The following WDR7 variants were observed in gnomAD, a reference collection of about 807,000 sequenced individuals.
The protein encoded by WDR7 is WD repeat-containing protein 7.
WDR7 carries 46 observed loss-of-function variants against 169.4 expected under a neutral mutation model. The ratio of observed to expected loss-of-function variants is 0.27; its 90% confidence interval spans 0.21 to 0.35. The LOEUF (loss-of-function observed/expected upper bound fraction) is 0.35, where lower values mean the gene tolerates loss of function less well. Ranked by LOEUF, WDR7 falls within the 10% of genes least tolerant of loss-of-function variation. The probability of loss-of-function intolerance (pLI) is 1.00; values close to 1 mark genes in which losing one functional copy is unlikely to be tolerated. For missense variants in WDR7, 1,534 were observed against 1,859.3 expected (o/e 0.83, Z 3.22); for synonymous variants, 612 against 666.8 (o/e 0.92, Z 1.27).
intron 19 of WDR7, among the ~76,000 whole-genome samples, chr18:56,808,653 CTG>C (rs753539416): frequency 3.9e-5 from 6 of 152,064 alleles, no homozygotes; most frequent in African/African-American, 2.4e-5. Context: ...TCACATGACA[CTG>C]TAGTCTTGTG....
intron 22 of WDR7, among the ~76,000 whole-genome samples, chr18:56,924,832 CA>C (rs1188971614): frequency 1.3e-5 from 2 of 152,324 alleles, no homozygotes; most frequent in African/African-American, 4.8e-5. Context: ...GTCTATAATT[CA>C]GTGGCATTAA....
chr18:56,757,517 G>A (rs985050672), intron 15 of WDR7, among the ~76,000 whole-genome samples, 165 bp downstream of exon 15: 3 of 151,850 alleles, frequency 2.0e-5, no homozygotes, highest in Admixed American at 6.6e-5. Context: ...CAAAATGCCC[G>A]ATTAAAACAT....
At chr18:56,928,030 G>A (rs2046831054) in intron 22 of WDR7, among the ~76,000 whole-genome samples, 1 of 152,200 alleles carries the variant, frequency 6.6e-6, no homozygotes, top group Admixed American at 6.5e-5. Flanking sequence ...GAGAGCGGGG[G>A]AAGGACAGGG....
chr18:56,716,061 G>GTGTA (rs1187921030), intron 12 of WDR7, among the ~76,000 whole-genome samples: 2 of 151,694 alleles, frequency 1.3e-5, no homozygotes, highest in African/African-American at 4.8e-5. Flanking sequence ...GTGTGTGTGT[G>GTGTA]TGTGTATTTA....
chr18:56,942,453 GC>G (rs2047047089), intron 25 of WDR7, among the ~76,000 whole-genome samples: 1 of 152,160 alleles, frequency 6.6e-6, no homozygotes, highest in Non-Finnish European at 1.5e-5. Context: ...ATGCAGCTGT[GC>G]CTACAAATAA....
chr18:56,996,240 G>A (rs947801762), intron 26 of WDR7, among the ~76,000 whole-genome samples: 2 of 152,078 alleles, frequency 1.3e-5, no homozygotes, highest in African/African-American at 4.8e-5. Flanking sequence ...TGTGAGAGCT[G>A]GTAACTGCTT....
intron 5 of WDR7, among the ~76,000 whole-genome samples, chr18:56,685,298 G>C (rs1349865905): frequency 6.6e-6 from 1 of 152,152 alleles, no homozygotes; most frequent in Non-Finnish European, 1.5e-5. Flanking sequence ...TAAGAAAATT[G>C]TATTTAAGAT....
At chr18:56,681,639 G>C (rs1461297337) in intron 4 of WDR7, among the ~76,000 whole-genome samples, 1 of 152,142 alleles carries the variant, frequency 6.6e-6, no homozygotes, top group Non-Finnish European at 1.5e-5. Flanking sequence ...TGCTATTCTG[G>C]GCTACCTTGG....
chr18:56,708,439 T>A (rs1183451302), intron 12 of WDR7, among the ~76,000 whole-genome samples: 1 of 152,090 alleles, frequency 6.6e-6, no homozygotes, highest in Non-Finnish European at 1.5e-5. Flanking sequence ...CCATTTAAGT[T>A]CTAAGTTGAG....
chr18:56,906,131 T>C (rs1331255401), intron 21 of WDR7, among the ~76,000 whole-genome samples: 4 of 152,190 alleles, frequency 2.6e-5, no homozygotes, highest in Non-Finnish European at 2.9e-5. Flanking sequence ...TGGAAGTACA[T>C]AGCAGATCTA....
chr18:56,828,965 C>T (rs188309879), intron 20 of WDR7, among the ~76,000 whole-genome samples: 267 of 151,852 alleles, frequency 1.8e-3, no homozygotes, highest in African/African-American at 6.1e-3. Context: ...ACCTGTCTTG[C>T]CCCTTGATAC....
intron 22 of WDR7, among the ~76,000 whole-genome samples, chr18:56,928,877 C>G (rs1568271729): frequency 6.6e-6 from 1 of 152,196 alleles, no homozygotes; most frequent in Non-Finnish European, 1.5e-5. Context: ...AGCCAGAGCT[C>G]CTAATACTGT....
rs1190574438 is a variant in WDR7 at position 56,672,612 on chromosome 18, A to G, written c.97A>G (p.Thr33Ala). 11 of 1,613,388 alleles carry G rather than the reference A, an allele frequency of 6.8e-6. No homozygotes were observed. Among genetic ancestry groups the G allele is most frequent in the African/African-American group, 1.3e-5 (1 of 74,882 alleles). The change falls in exon 2 of 28, where the codon ACG becomes GCG. Residue 33 changes from threonine to alanine, a missense_variant. Coordinates refer to ENST00000254442, the MANE Select transcript of WDR7 (RefSeq NM_015285.3). ...SAVLLTDDGA[T>A]IVTGCHDGQI... Reference sequence around the variant, plus strand: ...CGTACTTTTAACAGATGATGGGGCCACGATCGTAACAGGATGTCACGACGG... The same window carrying G: ...CGTACTTTTAACAGATGATGGGGCCGCGATCGTAACAGGATGTCACGACGG...
intron 14 of WDR7, among the ~76,000 whole-genome samples, chr18:56,752,166 T>G (rs1425567427): frequency 1.3e-5 from 2 of 152,170 alleles, no homozygotes; most frequent in African/African-American, 4.8e-5. Flanking sequence ...CCCAGGAAGC[T>G]GTATTTAACA....
intron 27 of WDR7, among the ~76,000 whole-genome samples, chr18:57,021,588 C>A (rs2048293287): frequency 6.6e-6 from 1 of 152,112 alleles, no homozygotes; most frequent in Admixed American, 6.5e-5. Context: ...ATGTTTAGTT[C>A]TGAATAAAAT....
chr18:56,882,291 A>G (rs374840497), intron 21 of WDR7, among the ~76,000 whole-genome samples: 7 of 152,230 alleles, frequency 4.6e-5, no homozygotes, highest in African/African-American at 1.7e-4. Flanking sequence ...GCATTAGACT[A>G]TTAGAGGTTA....
chr18:56,670,008 T>C (rs971979943), intron 1 of WDR7, among the ~76,000 whole-genome samples: 4 of 152,184 alleles, frequency 2.6e-5, no homozygotes, highest in Non-Finnish European at 1.5e-5. Flanking sequence ...GTTGGCAGTT[T>C]AGTGTGTCTT....
intron 26 of WDR7, among the ~76,000 whole-genome samples, chr18:56,986,792 A>G (rs2047727305): frequency 6.6e-6 from 1 of 152,166 alleles, no homozygotes; most frequent in Non-Finnish European, 1.5e-5. Context: ...GTGTTGTTCT[A>G]TTGAATTAAA....
chr18:56,776,987 T>G, intron 17 of WDR7, 107 bp downstream of exon 17: 1 of 1,060,048 alleles, frequency 9.4e-7, no homozygotes, highest in Non-Finnish European at 1.4e-6. Flanking sequence ...ATGTATGAGA[T>G]TCTAAAGTTC....
Sources: gnomAD v4.1 joint callset for allele counts (sites outside exome capture counted in the v4.1 genomes callset) on GRCh38, gnomAD v4.1.1 for gene constraint, MANE v1.5 for transcripts, NCBI Gene and HGNC (gene_info 2026-07-23, HGNC 2026-07-21) for gene names.